Variants in ANKS1B observed in about 807,000 individuals in gnomAD.
The protein encoded by ANKS1B is ankyrin repeat and sterile alpha motif domain-containing protein 1B.
A neutral mutation model predicts 148.3 loss-of-function variants in ANKS1B; 36 were observed. That is an observed-to-expected ratio of 0.24 (90% confidence interval 0.19 to 0.32). ANKS1B has a LOEUF of 0.32. Among genes scored for constraint, ANKS1B ranks in the 10% least tolerant of loss-of-function variants. The probability of loss-of-function intolerance (pLI) is 1.00; values close to 1 mark genes in which losing one functional copy is unlikely to be tolerated. For synonymous variants in ANKS1B, 542 were observed against 560.8 expected (o/e 0.97, Z 0.47); for missense variants, 1,157 against 1,542.6 (o/e 0.75, Z 4.19).
At chr12:98,910,273 C>T (rs1201183704) in intron 17 of ANKS1B, among the ~76,000 whole-genome samples, 1 of 152,172 alleles carries the variant, frequency 6.6e-6, no homozygotes, top group Non-Finnish European at 1.5e-5. Flanking sequence ...CTGTACGCAT[C>T]TCAGTCTACG....
intron 1 of ANKS1B, among the ~76,000 whole-genome samples, chr12:99,926,907 C>CT (rs1214747108): frequency 6.6e-6 from 1 of 152,206 alleles, no homozygotes; most frequent in Non-Finnish European, 1.5e-5. Context: ...GAAACACATT[C>CT]CTACCCCACC....
chr12:99,307,104 G>A (rs1426237894), intron 12 of ANKS1B, among the ~76,000 whole-genome samples: 1 of 151,984 alleles, frequency 6.6e-6, no homozygotes, highest in Non-Finnish European at 1.5e-5. Context: ...TTCCTTCCAG[G>A]ATCAACTCTG....
At chr12:99,071,492 T>C (rs1360506123) in intron 16 of ANKS1B, among the ~76,000 whole-genome samples, 3 of 152,200 alleles carry the variant, frequency 2.0e-5, no homozygotes, top group Non-Finnish European at 4.4e-5. Flanking sequence ...CTTTAGCAAC[T>C]AAATGGAACT....
chr12:99,075,862 T>C (rs2047695798), intron 16 of ANKS1B, among the ~76,000 whole-genome samples: 1 of 148,460 alleles, frequency 6.7e-6, no homozygotes. Context: ...ATATATACTA[T>C]ACATTTGTAT....
chr12:99,670,325 G>T (rs1181839018), intron 8 of ANKS1B, among the ~76,000 whole-genome samples: 4 of 151,918 alleles, frequency 2.6e-5, no homozygotes, highest in African/African-American at 9.7e-5. Context: ...ATAATAAATA[G>T]ATGGTCCTAG....
At chr12:99,263,922 C>A (rs1230438326) in intron 12 of ANKS1B, among the ~76,000 whole-genome samples, 2 of 152,236 alleles carry the variant, frequency 1.3e-5, no homozygotes, top group Admixed American at 1.3e-4. Flanking sequence ...TGGACTAATA[C>A]AATTACATAT....
chr12:99,146,381 G>A (rs2073099317), intron 15 of ANKS1B, among the ~76,000 whole-genome samples: 1 of 152,154 alleles, frequency 6.6e-6, no homozygotes, highest in Admixed American at 6.6e-5. Context: ...GCAGGATAGT[G>A]TTGGGGAATA....
At chr12:99,601,503 G>C (rs1270867975) in intron 9 of ANKS1B, among the ~76,000 whole-genome samples, 1 of 151,940 alleles carries the variant, frequency 6.6e-6, no homozygotes, top group African/African-American at 2.4e-5. Flanking sequence ...TGCCTTTTGT[G>C]CTATTTTGCA....
chr12:98,949,136 T>C (rs1036938108), intron 17 of ANKS1B, among the ~76,000 whole-genome samples: 1 of 151,692 alleles, frequency 6.6e-6, no homozygotes, highest in African/African-American at 2.4e-5. Flanking sequence ...GTATTTTTAG[T>C]AGAGTCAGGG....
At chr12:99,136,877 C>G (rs1022703067) in intron 15 of ANKS1B, among the ~76,000 whole-genome samples, 11 of 152,074 alleles carry the variant, frequency 7.2e-5, no homozygotes, top group African/African-American at 2.7e-4. Context: ...ACTCTCCTTG[C>G]TACAGTGTAG....
intron 14 of ANKS1B, among the ~76,000 whole-genome samples, chr12:99,202,594 T>A (rs1477667669): frequency 6.6e-6 from 1 of 152,238 alleles, no homozygotes; most frequent in Non-Finnish European, 1.5e-5. Context: ...TAGATTAAAA[T>A]AGTAATGGAA....
At chr12:99,732,884 C>T (rs2059297061) in intron 8 of ANKS1B, among the ~76,000 whole-genome samples, 3 of 152,064 alleles carry the variant, frequency 2.0e-5, no homozygotes. Flanking sequence ...TGTTAGATAT[C>T]AAGTGAAAAT....
chr12:98,780,936 A>T (rs1210943211), intron 24 of ANKS1B, among the ~76,000 whole-genome samples, 181 bp downstream of exon 24: 2 of 143,634 alleles, frequency 1.4e-5, no homozygotes, highest in Non-Finnish European at 3.0e-5. Flanking sequence ...TGTATGTATG[A>T]AGGTGTGTAT....
At chr12:98,794,857 G>A (rs2098933228) in intron 22 of ANKS1B, 2 of 1,604,224 alleles carry the variant, frequency 1.2e-6, no homozygotes, top group Admixed American at 1.7e-5. Flanking sequence ...TATCAAAGAA[G>A]TCAAGCAAAA....
chr12:99,378,849 G>A (rs2093515435), intron 12 of ANKS1B, among the ~76,000 whole-genome samples: 2 of 152,126 alleles, frequency 1.3e-5, no homozygotes, highest in South Asian at 4.1e-4. Flanking sequence ...GCCAAAAGTC[G>A]TGGCCAACTC....
rs766305469 is a variant in ANKS1B at position 99,246,596 on chromosome 12, G to A, written c.2025C>T (p.His675=). Residue 675 remains histidine, a synonymous_variant, in exon 13 of 27, where the codon CAC becomes CAT. Coordinates refer to ENST00000683438, the MANE Select transcript of ANKS1B (RefSeq NM_001352186.2). ...GGTTTTCGAGTTGGTTGCTTTTTTT[G>A]TGAAAAATTGTTCTACTGACCACTT... The part of the protein sequence containing the change: ...KPKVVSRTIF[H]KKSNQLENHT... 1 of 1,613,202 alleles carries A rather than the reference G, an allele frequency of 6.2e-7. No individual in the cohort carries two copies.
At chr12:99,243,342 A>G (rs984301674) in intron 14 of ANKS1B, among the ~76,000 whole-genome samples, 11 of 152,212 alleles carry the variant, frequency 7.2e-5, no homozygotes, top group African/African-American at 2.7e-4. Context: ...ATCTCAAGCC[A>G]GTTAGAATGG....
chr12:99,155,983 A>G (rs903351243), intron 14 of ANKS1B, among the ~76,000 whole-genome samples: 1 of 152,200 alleles, frequency 6.6e-6, no homozygotes, highest in African/African-American at 2.4e-5. Context: ...TAAAATTTAA[A>G]GATAACTCTC....
At chr12:99,578,603 C>T (rs2097540563) in intron 9 of ANKS1B, among the ~76,000 whole-genome samples, 2 of 151,948 alleles carry the variant, frequency 1.3e-5, no homozygotes, top group African/African-American at 4.8e-5. Context: ...ATCACAACAG[C>T]CACAAAAAGA....
Sources: allele counts gnomAD v4.1 joint callset (sites outside exome capture counted in the v4.1 genomes callset), GRCh38; gene constraint gnomAD v4.1.1; transcripts MANE v1.5; gene names NCBI Gene and HGNC (gene_info 2026-07-23, HGNC 2026-07-21).